The following L3MBTL2 variants were observed in gnomAD, a reference collection of about 807,000 sequenced individuals.
L3MBTL2 encodes lethal(3)malignant brain tumor-like protein 2.
L3MBTL2 carries 49 observed loss-of-function variants against 86.4 expected under a neutral mutation model. That is an observed-to-expected ratio of 0.57 (90% CI 0.45 to 0.72). The LOEUF (loss-of-function observed/expected upper bound fraction) is 0.72, where lower values mean the gene tolerates loss of function less well. Ranked by LOEUF, L3MBTL2 falls within the 30% of genes least tolerant of loss-of-function variation. The pLI is 0.00. For synonymous variants in L3MBTL2, 336 were observed against 350.6 expected (o/e 0.96, Z 0.47); for missense variants, 755 against 923.7 (o/e 0.82, Z 2.37).
At chr22:41,217,095 A>C (rs2031441570) in intron 4 of L3MBTL2, 28 bp from the exon 5 acceptor site, 1 of 1,599,466 alleles carries the variant, frequency 6.3e-7, no homozygotes. Context: ...GCAGGCTCCT[A>C]GTCTGACTCG....
In L3MBTL2 at chr22:41,229,553, G is replaced by A. The variant is rs540563633; in HGVS notation, c.1902G>A (p.Pro634=). 12 of 1,610,660 alleles carry A rather than the reference G, an allele frequency of 7.5e-6. No individual in the cohort carries two copies. The highest frequency in any genetic ancestry group is 4.5e-5 in the East Asian group (2 of 44,732). The change falls in exon 16 of 17, where the codon CCG becomes CCA. Residue 634 remains proline, a synonymous_variant. Transcript: ENST00000216237. ...TTTTATTCAAAGGGAAAAGAATCCC[G>A]CCCACTAAGACGCGACCCCTCAGAC... is the stretch of plus-strand genomic sequence containing the variant. ...KQFGKKRKRI[P]PTKTRPLRQG...
Position 41,224,833 on chromosome 22 carries a change from C to G in L3MBTL2, c.1251+32C>G. 5 of 1,592,622 alleles carry G rather than the reference C, an allele frequency of 3.1e-6. No individual in the cohort carries two copies. Among genetic ancestry groups the G allele is most frequent in the Non-Finnish European group, 4.3e-6 (5 of 1,160,498 alleles). Reference sequence around the variant, plus strand: ...TTCAGCTCTTGGGCGCTTTTCCCCTCAGCCATGGGTCCATTCCGGGCCTGA... The same window carrying G: ...TTCAGCTCTTGGGCGCTTTTCCCCTGAGCCATGGGTCCATTCCGGGCCTGA... On this transcript the variant is annotated intron_variant, in intron 10 of 16. Transcript: ENST00000216237. This position sits in a 1 kb window ranked among gnomAD's most constrained non-coding sequence, Gnocchi z 4.9.
chr22:41,226,739 A>G lies in L3MBTL2; in HGVS notation c.1582A>G (p.Asn528Asp). The G allele has an allele frequency of 6.2e-7, 1 of 1,612,774 alleles. No individual in the cohort carries two copies. Among genetic ancestry groups the G allele is most frequent in the Non-Finnish European group, 8.5e-7 (1 of 1,178,820 alleles). ...KSKAAPSRLFNMDCPNHGFKV... is the reference protein window; with the variant it reads ...KSKAAPSRLFDMDCPNHGFKV... ...GAAAGCCGCTCCATCGAGACTCTTT[A>G]ACATGGTGAGGAGACTGAAGTGGAG... The change falls in exon 13 of 17, where the codon AAC becomes GAC. Residue 528 changes from asparagine (N) to aspartate (D), a missense_variant. Physicochemically the swap from Asn to Asp is conservative, Grantham distance 23 (BLOSUM62 1). Coordinates refer to ENST00000216237, the MANE Select transcript of L3MBTL2 (RefSeq NM_031488.5).
chr22:41,226,693 C>G lies in L3MBTL2; in HGVS notation c.1536C>G (p.Asn512Lys). The G allele has an allele frequency of 6.2e-7, 1 of 1,614,020 alleles. No homozygotes were observed. The highest frequency in any genetic ancestry group is 8.5e-7 in the Non-Finnish European group (1 of 1,179,872). ...GYEAQTFNWE[N>K]YLEKTKSKAA... ...AGGCACAGACTTTCAACTGGGAGAA[C>G]TACTTGGAGAAGACCAAGTCGAAAG... The change falls in exon 13 of 17, where the codon AAC (asparagine) becomes AAG (lysine). Residue 512 changes from asparagine to lysine, a missense_variant. Asn to Lys is a moderately conservative substitution (Grantham distance 94, BLOSUM62 0). This residue lies in a region of L3MBTL2 where 634 missense variants were observed against 748.9 expected (regional missense o/e 0.85). Transcript: ENST00000216237.
rs865913176 is a variant in L3MBTL2, at chr22:41,227,557, G to A, written c.1822+234G>A. The A allele has an allele frequency of 6.0e-5, 92 of 1,537,014 alleles. No homozygotes were observed. Among genetic ancestry groups the A allele is most frequent in the Middle Eastern group, 5.0e-4 (3 of 5,990 alleles). On this transcript the variant is annotated intron_variant, in intron 14 of 16. Coordinates refer to ENST00000216237, the MANE Select transcript of L3MBTL2 (RefSeq NM_031488.5). The surrounding 1 kb of genome is among the most constrained non-coding windows in gnomAD (Gnocchi z 6.0). Reference sequence around the variant, plus strand: ...ATCTTGCCCACTCTGTCATATGTTCGTGCCCTTGTGCACCCAGGTAAACTA... The same window carrying A: ...ATCTTGCCCACTCTGTCATATGTTCATGCCCTTGTGCACCCAGGTAAACTA...
Position 41,227,798 on chromosome 22 carries a change from C to A in L3MBTL2, c.1823-6C>A. On this transcript the variant is annotated splice_region_variant and splice_polypyrimidine_tract_variant and intron_variant, in intron 14 of 16. Coordinates refer to ENST00000216237, the MANE Select transcript of L3MBTL2 (RefSeq NM_031488.5). This position sits in a 1 kb window ranked among gnomAD's most constrained non-coding sequence, Gnocchi z 6.0. ...CATCTCTTTCACCCTTGTCTTTCAACAACAGAACCGGCCACACCGCTGAAG... is the reference window on the plus strand; with the variant it reads ...CATCTCTTTCACCCTTGTCTTTCAAAAACAGAACCGGCCACACCGCTGAAG... 6.2e-7 allele frequency: 1 copy of A among 1,613,746 alleles called. No individual in the cohort carries two copies. The highest frequency in any genetic ancestry group is 8.5e-7 in the Non-Finnish European group (1 of 1,179,818).
intron 3 of L3MBTL2, chr22:41,214,577 G>A (rs1263033355): frequency 6.6e-6 from 1 of 152,288 alleles, no homozygotes; most frequent in Non-Finnish European, 1.5e-5. Context: ...GTGTGGCTCT[G>A]TAGGAGGAGA....
Position 41,227,370 on chromosome 22 carries a change from C to G in L3MBTL2, c.1822+47C>G. 1.3e-6 allele frequency: 2 copies of G among 1,507,054 alleles called. No individual in the cohort carries two copies. The highest frequency in any genetic ancestry group is 1.8e-6 in the Non-Finnish European group (2 of 1,107,192). 93.4% of individuals were successfully genotyped at this position (1,507,054 alleles called of 1,614,324 possible). A position where few individuals can be genotyped will look rare whatever the true frequency, so the allele number is the denominator to read the frequency against. Reference sequence around the variant, plus strand: ...AGAGGCTCTGACTTTCTTTCCTCTTCTTTTTTCCTTCTTCCCCCGCCCCTG... The same window carrying G: ...AGAGGCTCTGACTTTCTTTCCTCTTGTTTTTTCCTTCTTCCCCCGCCCCTG... On this transcript the variant is annotated intron_variant, in intron 14 of 16. Coordinates refer to ENST00000216237, the MANE Select transcript of L3MBTL2 (RefSeq NM_031488.5). This position sits in a 1 kb window ranked among gnomAD's most constrained non-coding sequence, Gnocchi z 6.0.
Position 41,210,576 on chromosome 22 carries a change from G to A in L3MBTL2, c.262+643G>A, listed in dbSNP as rs554040645. On this transcript the variant is annotated intron_variant, in intron 2 of 16. Coordinates refer to ENST00000216237, the MANE Select transcript of L3MBTL2 (RefSeq NM_031488.5). ...GATCTCCTGACCTCGTGATCCACCC[G>A]CCTCGGCCTCCCAAAGTGCTGGGAT... 1.0e-3 allele frequency among the ~76,000 whole-genome samples: 156 copies of A among 152,218 alleles called. 10 individuals carry two copies. In the South Asian group the frequency reaches 0.029, roughly 29 times the overall value.
Position 41,231,045 on chromosome 22 carries a change from T to G in L3MBTL2, c.*794T>G, listed in dbSNP as rs1488472549. The G allele has an allele frequency of 6.6e-6, 1 of 152,188 alleles. No homozygotes were observed. The highest frequency in any genetic ancestry group is 2.4e-5 in the African/African-American group (1 of 41,444). 9.4% of individuals were successfully genotyped at this position (152,188 alleles called of 1,614,324 possible). ...AAAAATAATTCATCCAAGATTCCTTTGTAGTTAAAGGGTCCAGTTCTGACT... is the reference window on the plus strand; with the variant it reads ...AAAAATAATTCATCCAAGATTCCTTGGTAGTTAAAGGGTCCAGTTCTGACT... On this transcript the variant is annotated 3_prime_UTR_variant, in exon 17 of 17. Coordinates refer to ENST00000216237, the MANE Select transcript of L3MBTL2 (RefSeq NM_031488.5).
chr22:41,214,993 A>G (rs551931734), intron 3 of L3MBTL2, among the ~76,000 whole-genome samples: 16 of 120,426 alleles, frequency 1.3e-4, no homozygotes, highest in Non-Finnish European at 2.1e-4. Flanking sequence ...CCTGGGGGGA[A>G]AATATTATGT....
At chr22:41,219,248 C>T in intron 5 of L3MBTL2, 171 bp from the exon 6 acceptor site, 1 of 560,106 alleles carries the variant, frequency 1.8e-6, no homozygotes, top group Admixed American at 2.7e-5. Context: ...CGGCTTAGCT[C>T]TTCAAGGACA....
intron 5 of L3MBTL2, chr22:41,218,831 G>C (rs1178946747): frequency 6.6e-6 from 1 of 152,282 alleles, no homozygotes; most frequent in East Asian, 1.9e-4. Flanking sequence ...TCTCCATGTT[G>C]GTCAGGCTGG....
At chr22:41,223,309 C>G (rs1601527189) in intron 8 of L3MBTL2, among the ~76,000 whole-genome samples, 1 of 152,258 alleles carries the variant, frequency 6.6e-6, no homozygotes, top group South Asian at 2.1e-4. Context: ...GCCCTACACC[C>G]TACCTGTTCC....
At chr22:41,216,750 T>C (rs2145585625) in intron 4 of L3MBTL2, among the ~76,000 whole-genome samples, 1 of 152,290 alleles carries the variant, frequency 6.6e-6, no homozygotes, top group East Asian at 1.9e-4. Flanking sequence ...GGAGGGGCCC[T>C]GGTGTGTGCG....
At chr22:41,217,459 G>T (rs1336370539) in intron 5 of L3MBTL2, 2 of 470,454 alleles carry the variant, frequency 4.3e-6, no homozygotes, top group Non-Finnish European at 7.8e-6. Flanking sequence ...GGTGCTAGCT[G>T]ATGTCGAAGG....
Position 41,230,656 on chromosome 22 carries a change from G to A in L3MBTL2, c.*405G>A, listed in dbSNP as rs2032539364. The A allele has an allele frequency of 1.0e-5, 2 of 200,968 alleles. No homozygotes were observed. The highest frequency in any genetic ancestry group is 1.5e-4 in the East Asian group (1 of 6,496). The allele number at this position is 200,968 out of a possible 1,614,324, so 12.4% of individuals were successfully genotyped here. ...GACAGTGAACTCTGTCTGCCTGAAC[G>A]AGCCATGTAAATTAAGTTCTAGAGC... On this transcript the variant is annotated 3_prime_UTR_variant, in exon 17 of 17. Transcript: ENST00000216237.
chr22:41,228,578 C>T lies in L3MBTL2; in HGVS notation c.1888+709C>T, dbSNP rs181705587. 4.0e-3 allele frequency: 3,766 copies of T among 933,004 alleles called. 8 individuals are homozygous for T. The highest frequency in any genetic ancestry group is 8.9e-3 in the South Asian group (180 of 20,196). 57.8% of individuals were successfully genotyped at this position (933,004 alleles called of 1,614,324 possible). On this transcript the variant is annotated intron_variant, in intron 15 of 16. Transcript: ENST00000216237. ...TAAGATTGAGTGAGGCGGCCAGGCG[C>T]GGTGGCTCACACCTGTAATCCCATC...
chr22:41,216,087 G>T (rs1214243172), intron 3 of L3MBTL2, 52 bp from the exon 4 acceptor site: 7 of 1,558,958 alleles, frequency 4.5e-6, no homozygotes, highest in Non-Finnish European at 6.1e-6. Flanking sequence ...CCCAAATCCA[G>T]ACTCATGATC....
Sources: allele counts gnomAD v4.1 joint callset (sites outside exome capture counted in the v4.1 genomes callset), GRCh38; gene constraint gnomAD v4.1.1; regional missense constraint gnomAD v4.1.1; non-coding constraint Gnocchi (gnomAD v3.1); transcripts MANE v1.5; gene names NCBI Gene and HGNC (gene_info 2026-07-23, HGNC 2026-07-21).